The following THSD4 variants were observed in gnomAD, a reference collection of about 807,000 sequenced individuals.
THSD4 encodes the protein thrombospondin type 1 domain containing 4, also known as thrombospondin type-1 domain-containing protein 4.
THSD4 carries 69 observed loss-of-function variants against 119.0 expected under a neutral mutation model. The observed-to-expected ratio is 0.58, with a 90% CI of 0.48 to 0.71. THSD4 has a LOEUF of 0.71. Ranked by LOEUF, THSD4 falls within the 30% of genes least tolerant of loss-of-function variation. THSD4 has a pLI of 0.00. For synonymous variants in THSD4, 524 were observed against 540.4 expected (o/e 0.97, Z 0.42); for missense variants, 1,393 against 1,391.1 (o/e 1.00, Z -0.02).
chr15:71,446,140 C>T (rs1162389249), intron 7 of THSD4, among the ~76,000 whole-genome samples: 1 of 152,236 alleles, frequency 6.6e-6, no homozygotes, highest in African/African-American at 2.4e-5. Context: ...ATTCCGCTTT[C>T]CATCCCCTGA....
chr15:71,158,102 C>A (rs1414587351), intron 3 of THSD4, among the ~76,000 whole-genome samples: 1 of 150,208 alleles, frequency 6.7e-6, no homozygotes, highest in Non-Finnish European at 1.5e-5. Context: ...GTCCTACCCA[C>A]AGTACGTAAG....
chr15:71,652,539 T>G (rs1009640622), intron 7 of THSD4, among the ~76,000 whole-genome samples: 1 of 152,196 alleles, frequency 6.6e-6, no homozygotes. Flanking sequence ...ATTTTAGAGT[T>G]TGGGATATCC....
intron 7 of THSD4, among the ~76,000 whole-genome samples, chr15:71,477,009 T>C (rs1002173521): frequency 1.3e-5 from 2 of 152,228 alleles, no homozygotes; most frequent in Non-Finnish European, 1.5e-5. Context: ...CTCCCAGCAA[T>C]GTGCAAACTC....
chr15:71,577,202 T>C (rs1335018493), intron 7 of THSD4, among the ~76,000 whole-genome samples: 1 of 152,192 alleles, frequency 6.6e-6, no homozygotes, highest in Non-Finnish European at 1.5e-5. Flanking sequence ...AATTTTGTTT[T>C]GTATGTTGTT....
intron 7 of THSD4, among the ~76,000 whole-genome samples, chr15:71,426,508 G>A (rs920548): frequency 6.0e-4 from 91 of 151,724 alleles, no homozygotes; most frequent in Non-Finnish European, 9.6e-4. Flanking sequence ...TTTGCCCTAC[G>A]TTGCTTTTTT....
chr15:71,663,390 AG>A (rs1284005292), intron 8 of THSD4, among the ~76,000 whole-genome samples: 1 of 152,216 alleles, frequency 6.6e-6, no homozygotes, highest in Non-Finnish European at 1.5e-5. Flanking sequence ...CCGTGTGTGA[AG>A]GAGAGAGAGC....
At chr15:71,498,859 CTT>C (rs56282942) in intron 7 of THSD4, among the ~76,000 whole-genome samples, 1,644 of 121,282 alleles carry the variant, frequency 0.014, 24 homozygotes, top group African/African-American at 0.033. Context: ...CCACATTGTA[CTT>C]TTTTTTTTTT....
intron 7 of THSD4, among the ~76,000 whole-genome samples, chr15:71,576,742 T>C (rs2049454476): frequency 6.6e-6 from 1 of 152,210 alleles, no homozygotes; most frequent in Admixed American, 6.5e-5. Context: ...TTTAGTATCC[T>C]TTCTAATTTC....
rs1352756651 is a variant in THSD4 at position 71,141,681 on chromosome 15, TACGTCC to T, written c.29+128_29+133del. 3.0e-5 allele frequency: 33 copies of T among 1,117,496 alleles called. No individual in the cohort carries two copies. The Middle Eastern group carries it at 1.5e-3, about 50-fold the overall frequency. 69.2% of individuals were successfully genotyped at this position (1,117,496 alleles called of 1,614,324 possible). On this transcript the variant is annotated intron_variant, in intron 2 of 17. Coordinates refer to ENST00000261862, the MANE Select transcript of THSD4 (RefSeq NM_024817.3). ...CAGCTGACTGATATTTTTGATATAA[TACGTCC>T]ACTTGTGTAAAAGTTTGCTATTCAG...
At chr15:71,654,857 A>T (rs558744295) in intron 7 of THSD4, among the ~76,000 whole-genome samples, 1 of 152,308 alleles carries the variant, frequency 6.6e-6, no homozygotes, top group South Asian at 2.1e-4. Context: ...TACTGAGCAC[A>T]CACAGACACA....
chr15:71,758,938 A>G (rs2053587225), intron 15 of THSD4, among the ~76,000 whole-genome samples: 1 of 152,206 alleles, frequency 6.6e-6, no homozygotes, highest in African/African-American at 2.4e-5. Flanking sequence ...GCCTTAACCC[A>G]GTCACCCCAC....
intron 7 of THSD4, among the ~76,000 whole-genome samples, chr15:71,416,220 A>G (rs888255580): frequency 1.5e-4 from 23 of 152,238 alleles, no homozygotes; most frequent in Non-Finnish European, 2.6e-4. Context: ...TATTTTGTAT[A>G]TGTACCACAT....
At chr15:71,276,749 G>A (rs1001993979) in intron 6 of THSD4, among the ~76,000 whole-genome samples, 2 of 152,148 alleles carry the variant, frequency 1.3e-5, no homozygotes, top group Admixed American at 1.3e-4. Flanking sequence ...TTCTTTAATG[G>A]CAGGGAATGA....
intron 7 of THSD4, among the ~76,000 whole-genome samples, chr15:71,545,963 A>G (rs1045752686): frequency 2.0e-5 from 3 of 152,180 alleles, no homozygotes; most frequent in Non-Finnish European, 4.4e-5. Context: ...AGGCTTTTCA[A>G]GTGTTTATTA....
chr15:71,656,628 C>G (rs1406210661), intron 7 of THSD4, among the ~76,000 whole-genome samples: 1 of 152,180 alleles, frequency 6.6e-6, no homozygotes, highest in African/African-American at 2.4e-5. Flanking sequence ...ACTCCTTCAA[C>G]AAAGCTAGAA....
At chr15:71,587,773 T>TAAA (rs529447946) in intron 7 of THSD4, among the ~76,000 whole-genome samples, 1 of 76,582 alleles carries the variant, frequency 1.3e-5, no homozygotes, top group Non-Finnish European at 2.4e-5. Context: ...TAGAGTATAA[T>TAAA]AAAAAAAAAA....
chr15:71,631,790 G>A (rs4776564), intron 7 of THSD4, among the ~76,000 whole-genome samples: 41,792 of 152,030 alleles, frequency 0.27, 6,325 homozygotes, highest in East Asian at 0.61. Flanking sequence ...TAGGATACAT[G>A]AGTCCCAGAC....
At position 71,154,937 on chromosome 15, in the gene THSD4, G is replaced by A. The variant is rs772065887; in HGVS notation, c.99+5G>A. On this transcript the variant is annotated splice_donor_5th_base_variant and intron_variant, in intron 3 of 17. Transcript: ENST00000261862. ...CCCTCCACTCAACACAGGAAGGTAA[G>A]CCATGGCCATCCAGAGGTTTTCTTC... The A allele has an allele frequency of 6.2e-7, 1 of 1,613,996 alleles. No homozygotes were observed. Among genetic ancestry groups the A allele is most frequent in the Non-Finnish European group, 8.5e-7 (1 of 1,180,010 alleles).
intron 6 of THSD4, among the ~76,000 whole-genome samples, chr15:71,384,543 G>A (rs2046271827): frequency 6.6e-6 from 1 of 152,126 alleles, no homozygotes; most frequent in South Asian, 2.1e-4. Context: ...AAGCCAAAAG[G>A]TTAGCAGATT....
Sources: gnomAD v4.1 joint callset for allele counts (sites outside exome capture counted in the v4.1 genomes callset) on GRCh38, gnomAD v4.1.1 for gene constraint, MANE v1.5 for transcripts, NCBI Gene and HGNC (gene_info 2026-07-23, HGNC 2026-07-21) for gene names.